STK31: variants seen among roughly 807,000 people sequenced by gnomAD.
STK31 encodes the protein serine/threonine kinase 31, also known as serine/threonine-protein kinase 31.
In STK31, 89 loss-of-function variants were observed where a neutral mutation model predicts 129.7. The ratio of observed to expected loss-of-function variants is 0.69; its 90% CI spans 0.58 to 0.82. STK31 has a LOEUF of 0.82. STK31 is among the 40% of genes least tolerant of loss of function. The pLI, the probability that STK31 is intolerant of heterozygous loss-of-function variation, is 0.00. For synonymous variants in STK31, 448 were observed against 395.3 expected (o/e 1.13, Z -1.58); for missense variants, 1,187 against 1,176.4 (o/e 1.01, Z -0.13).
chr7:23,794,983 G>A (rs571164332), intron 22 of STK31, among the ~76,000 whole-genome samples: 3 of 152,212 alleles, frequency 2.0e-5, no homozygotes, highest in Non-Finnish European at 4.4e-5. Context: ...TTTGGAGCCT[G>A]ATGATGTGGT....
chr7:23,792,516 G>A (rs1233274781), intron 22 of STK31, among the ~76,000 whole-genome samples: 1 of 152,252 alleles, frequency 6.6e-6, no homozygotes, highest in South Asian at 2.1e-4. Context: ...AGAAGACATT[G>A]TATGGATATC....
In STK31 at chr7:23,735,706, A is replaced by T. The variant is rs201573868; in HGVS notation, c.652A>T (p.Thr218Ser). 6.2e-7 allele frequency: 1 copy of T among 1,613,932 alleles called. No individual in the cohort carries two copies. The highest frequency in any genetic ancestry group is 8.5e-7 in the Non-Finnish European group (1 of 1,180,034). Residue 218 changes from threonine to serine, a missense_variant, in exon 7 of 24, where the codon ACT (threonine) becomes TCT (serine). Physicochemically the swap from Thr to Ser is moderately conservative, Grantham distance 58. Transcript: ENST00000355870. ...AGAGAAATGCAGACTTGCTTCCAGA[A>T]CTGACATCTGTGAGGAAAAAAAATT... ...FAEKCRLASR[T>S]DICEEKKLDP... is the part of the protein sequence containing the mutation.
chr7:23,829,215 G>C (rs1166973068), intron 23 of STK31, among the ~76,000 whole-genome samples: 1 of 152,010 alleles, frequency 6.6e-6, no homozygotes, highest in African/African-American at 2.4e-5. Flanking sequence ...CTCACTAGAG[G>C]ATTGCTTTTC....
chr7:23,721,130 A>G (rs530887553), intron 4 of STK31, among the ~76,000 whole-genome samples: 189 of 152,338 alleles, frequency 1.2e-3, no homozygotes, highest in African/African-American at 4.1e-3. Flanking sequence ...AAAGAAAAAT[A>G]GATTTTATAA....
intron 15 of STK31, among the ~76,000 whole-genome samples, chr7:23,776,087 G>A (rs143719196): frequency 0.01 from 1,572 of 152,316 alleles, 6 homozygotes; most frequent in South Asian, 0.028. Flanking sequence ...TGAGATAGTC[G>A]TGTGGTTTTT....
chr7:23,808,169 A>ATTT lies in STK31; in HGVS notation c.2761-6971_2761-6969dup, dbSNP rs1554297151. On this transcript the variant is annotated intron_variant, in intron 22 of 23. Transcript: ENST00000355870. The stretch of plus-strand genomic sequence containing the variant: ...CTTTTTAATATATATATATATATAT[A>ATTT]TTTTTTGTAGGCAGCCACCCTGTTT... 4.2e-3 allele frequency among the ~76,000 whole-genome samples: 614 copies of ATTT among 146,414 alleles called. 5 individuals carry two copies. Among genetic ancestry groups the ATTT allele is most frequent in the African/African-American group, 0.012 (489 of 40,002 alleles).
Position 23,790,812 on chromosome 7 carries a change from T to G in STK31, c.2638-12T>G. The G allele has an allele frequency of 6.3e-7, 1 of 1,578,968 alleles. No individual in the cohort carries two copies. Among genetic ancestry groups the G allele is most frequent in the Non-Finnish European group, 8.6e-7 (1 of 1,166,174 alleles). ...TGTTGTATCTGAAATATGTAAAATA[T>G]TGTTTTTGCAGAGTCAGCGAGCCTC... On this transcript the variant is annotated splice_polypyrimidine_tract_variant and intron_variant, in intron 21 of 23. Transcript: ENST00000355870.
Position 23,785,606 on chromosome 7 carries a change from A to C in STK31, c.2274+3A>C. ...ATGGGCAGATAATTCTGTTAAAGGTAAGTCTAACTTCTTCTTACTTGTGGG... is the reference window on the plus strand; with the variant it reads ...ATGGGCAGATAATTCTGTTAAAGGTCAGTCTAACTTCTTCTTACTTGTGGG... On this transcript the variant is annotated splice_donor_region_variant and intron_variant, in intron 18 of 23. Transcript: ENST00000355870. 6.2e-7 allele frequency: 1 copy of C among 1,610,872 alleles called. No homozygotes were observed. The highest frequency in any genetic ancestry group is 1.1e-5 in the South Asian group (1 of 90,968).
rs984207188 is a variant in STK31 at position 23,710,586 on chromosome 7, A to G, written c.50+251A>G. The G allele has an allele frequency of 9.0e-5, 122 of 1,353,818 alleles. No individual in the cohort carries two copies. The Middle Eastern group carries it at 3.4e-3, about 38-fold the overall frequency. 83.9% of individuals were successfully genotyped at this position (1,353,818 alleles called of 1,614,324 possible). On this transcript the variant is annotated intron_variant, in intron 1 of 23. Coordinates refer to ENST00000355870, the MANE Select transcript of STK31 (RefSeq NM_031414.5). ...GAAGACGCGGTCACGCAGCCTCCAC[A>G]CTCTCTTCCCCTTCTCGAAAATTCT...
At position 23,820,130 on chromosome 7, in the gene STK31, T is replaced by C. The variant is rs1164948468; in HGVS notation, c.2829+4918T>C. ...ATGATTTTTTTCCTTTTACACTTTTTCCCCATAATTCAATTCCATTGTTTC... is the reference window on the plus strand; with the variant it reads ...ATGATTTTTTTCCTTTTACACTTTTCCCCCATAATTCAATTCCATTGTTTC... On this transcript the variant is annotated intron_variant, in intron 23 of 23. Transcript: ENST00000355870. Among the ~76,000 whole-genome samples, 7 of 152,226 alleles carry C rather than the reference T, an allele frequency of 4.6e-5. No homozygotes were observed. In the East Asian group the frequency reaches 1.3e-3, roughly 29 times the overall value.
rs767445764 is a variant in STK31 at position 23,717,513 on chromosome 7, T to C, written c.183T>C (p.Ile61=). ...ATAGAAATAAGGATATCATGAAGAT[T>C]GGTTGCTCACTGTCTGAAGTTTGCC... ...SINRNKDIMK[I]GCSLSEVCPQ... is the part of the protein sequence containing the mutation. Residue 61 remains isoleucine (I), a synonymous_variant, in exon 4 of 24, where the codon ATT becomes ATC. Coordinates refer to ENST00000355870, the MANE Select transcript of STK31 (RefSeq NM_031414.5). 6.2e-6 allele frequency: 10 copies of C among 1,612,986 alleles called. No individual in the cohort carries two copies. In the Admixed American group the frequency reaches 1.5e-4, roughly 24 times the overall value.
chr7:23,819,751 G>A (rs1793689896), intron 23 of STK31, among the ~76,000 whole-genome samples: 2 of 151,860 alleles, frequency 1.3e-5, no homozygotes. Context: ...GTAATCATAA[G>A]AGGCAAATAA....
intron 5 of STK31, among the ~76,000 whole-genome samples, chr7:23,728,072 C>CT (rs56355518): frequency 0.026 from 1,751 of 68,148 alleles, 227 homozygotes; most frequent in Non-Finnish European, 0.029. Context: ...TTGTGTTAAG[C>CT]TTTTTTTTTT....
At chr7:23,727,367 G>T in intron 5 of STK31, 52 bp downstream of exon 5, 1 of 1,552,204 alleles carries the variant, frequency 6.4e-7, no homozygotes, top group Non-Finnish European at 8.9e-7. Flanking sequence ...ATTTATTGTG[G>T]TTCAAAAATT....
chr7:23,794,368 TA>T (rs1431704762), intron 22 of STK31, among the ~76,000 whole-genome samples: 1 of 152,238 alleles, frequency 6.6e-6, no homozygotes, highest in Non-Finnish European at 1.5e-5. Flanking sequence ...GCCATGATTG[TA>T]AGTTTCCTGA....
rs1007690381 is a variant in STK31, at chr7:23,816,620, AGTT to A, written c.2829+1413_2829+1415del. Among the ~76,000 whole-genome samples the A allele has an allele frequency of 3.1e-3, 471 of 152,324 alleles. 5 individuals are homozygous for A. Among genetic ancestry groups the A allele is most frequent in the African/African-American group, 0.01 (431 of 41,582 alleles). On this transcript the variant is annotated intron_variant, in intron 23 of 23. Coordinates refer to ENST00000355870, the MANE Select transcript of STK31 (RefSeq NM_031414.5). Reference sequence around the variant, plus strand: ...AGAATGAGGACCTCAGTTGTTCTCTAGTTGTTGGCCAGAGGTTGCCCTCAATCC... The same window carrying A: ...AGAATGAGGACCTCAGTTGTTCTCTAGTTGGCCAGAGGTTGCCCTCAATCC...
chr7:23,758,079 C>G (rs1789215091), intron 10 of STK31, among the ~76,000 whole-genome samples: 2 of 152,186 alleles, frequency 1.3e-5, no homozygotes, highest in Non-Finnish European at 2.9e-5. Context: ...CATCTCAAGG[C>G]AGAATAATTT....
intron 23 of STK31, among the ~76,000 whole-genome samples, chr7:23,825,366 A>G (rs1794071890): frequency 6.6e-6 from 1 of 151,950 alleles, no homozygotes; most frequent in African/African-American, 2.4e-5. Flanking sequence ...TTTCTTCTAG[A>G]TTTTCTAGTT....
At chr7:23,795,300 G>A (rs1309719253) in intron 22 of STK31, among the ~76,000 whole-genome samples, 1 of 152,206 alleles carries the variant, frequency 6.6e-6, no homozygotes, top group Admixed American at 6.5e-5. Flanking sequence ...GAGGGTGCAA[G>A]CCCCAAGCCT....
Sources: gnomAD v4.1 joint callset for allele counts (sites outside exome capture counted in the v4.1 genomes callset) on GRCh38, gnomAD v4.1.1 for gene constraint, MANE v1.5 for transcripts, NCBI Gene and HGNC (gene_info 2026-07-23, HGNC 2026-07-21) for gene names.